The following POLR1A variants were observed in gnomAD, a reference collection of about 807,000 sequenced individuals.
The protein encoded by POLR1A is DNA-directed RNA polymerase I subunit RPA1.
A neutral mutation model predicts 205.3 loss-of-function variants in POLR1A; 84 were observed. The observed-to-expected ratio is 0.41, with a 90% CI of 0.34 to 0.49. The LOEUF is 0.49. POLR1A is among the 20% of genes least tolerant of loss of function. POLR1A has a pLI of 0.22. For synonymous variants in POLR1A, 799 were observed against 863.7 expected, an observed-to-expected ratio of 0.93 and a Z score of 1.31; for missense variants, 1,645 against 2,204.5, an observed-to-expected ratio of 0.75 and a Z score of 5.08.
At chr2:86,031,676 C>A in intron 29 of POLR1A, 41 bp from the exon 30 acceptor site, 2 of 1,575,444 alleles carry the variant, frequency 1.3e-6, no homozygotes, top group Non-Finnish European at 1.7e-6. Context: ...CTTGGGGACC[C>A]ACCATCTACC....
intron 14 of POLR1A, among the ~76,000 whole-genome samples, chr2:86,054,588 C>G (rs1323772347): frequency 2.6e-5 from 4 of 152,154 alleles, no homozygotes; most frequent in Non-Finnish European, 5.9e-5. Context: ...GAATTAAATT[C>G]CTAAATAGAC....
chr2:86,028,036 G>A lies in POLR1A; in HGVS notation c.4911C>T (p.Asp1637=). The A allele has an allele frequency of 6.2e-7, 1 of 1,614,200 alleles. No homozygotes were observed. The highest frequency in any genetic ancestry group is 1.6e-4 in the Middle Eastern group (1 of 6,062). ...DVFAVYGIAV[D]PRHLSLVADY... Reference sequence around the variant, plus strand: ...CAGCAACCAGGGAGAGATGGCGAGGGTCGACCGCGATGCCTGTCAAACGGG... The same window carrying A: ...CAGCAACCAGGGAGAGATGGCGAGGATCGACCGCGATGCCTGTCAAACGGG... Residue 1637 remains aspartate, a synonymous_variant, in exon 33 of 34, where the codon GAC becomes GAT. Coordinates refer to ENST00000263857, the MANE Select transcript of POLR1A (RefSeq NM_015425.6). This position sits in a 1 kb window ranked among gnomAD's most constrained non-coding sequence, Gnocchi z 4.5.
At position 86,025,175 on chromosome 2, in the gene POLR1A, A is replaced by AC. The variant is rs753397516; in HGVS notation, c.*2247dup. 6.6e-6 allele frequency: 1 copy of AC among 152,154 alleles called. No homozygotes were observed. The highest frequency in any genetic ancestry group is 1.5e-5 in the Non-Finnish European group (1 of 68,014). 9.4% of individuals were successfully genotyped at this position (152,154 alleles called of 1,614,324 possible). A position where few individuals can be genotyped will look rare whatever the true frequency, so the allele number is the denominator to read the frequency against. On this transcript the variant is annotated 3_prime_UTR_variant, in exon 34 of 34. Coordinates refer to ENST00000263857, the MANE Select transcript of POLR1A (RefSeq NM_015425.6). ...CACAGCTCTCATGAAAAGTTTGTGAACCCCACCAGATGATCAATCTCCATT... is the reference window on the plus strand; with the variant it reads ...CACAGCTCTCATGAAAAGTTTGTGAACCCCCACCAGATGATCAATCTCCATT...
intron 7 of POLR1A, 30 bp from the exon 8 acceptor site, chr2:86,081,736 C>T (rs1673405849): frequency 7.4e-7 from 1 of 1,349,302 alleles, no homozygotes; most frequent in Admixed American, 1.9e-5. Flanking sequence ...ACCAAGAAGA[C>T]CATTTAAATC....
At chr2:86,054,844 A>G (rs2278088) in intron 14 of POLR1A, among the ~76,000 whole-genome samples, 6,450 of 152,258 alleles carry the variant, frequency 0.042, 254 homozygotes, top group East Asian at 0.23. Context: ...GGAGATAACC[A>G]GAGTTGGCTA....
chr2:86,048,320 T>C (rs1028755594), intron 18 of POLR1A, among the ~76,000 whole-genome samples: 3 of 152,166 alleles, frequency 2.0e-5, no homozygotes, highest in African/African-American at 7.2e-5. Flanking sequence ...AGATTTCCCC[T>C]CTCCTTTCTC....
At position 86,041,364 on chromosome 2, in the gene POLR1A, T is replaced by TGC. The variant is rs200808965; in HGVS notation, c.3572+523_3572+524dup. On this transcript the variant is annotated intron_variant, in intron 24 of 33. Coordinates refer to ENST00000263857, the MANE Select transcript of POLR1A (RefSeq NM_015425.6). ...CAAAGCTCAAAGGTGTGTGTGTGTG[T>TGC]GCGCGCGCGCGCTGAGCTACAGTGT... Among the ~76,000 whole-genome samples the TGC allele has an allele frequency of 8.9e-3, 1,302 of 145,942 alleles. 36 individuals carry two copies. The highest frequency in any genetic ancestry group is 0.022 in the African/African-American group (840 of 38,502).
chr2:86,035,562 GGCGCCCCAGCC>G, intron 27 of POLR1A, among the ~76,000 whole-genome samples: 1 of 152,192 alleles, frequency 6.6e-6, no homozygotes, highest in East Asian at 1.9e-4. Context: ...CCCTCAGCTG[GGCGCCCCAGCC>G]TGTCTCAACT....
In POLR1A at chr2:86,040,574, G is replaced by T. The variant is rs200112807; in HGVS notation, c.3573-15C>A. On this transcript the variant is annotated splice_polypyrimidine_tract_variant and intron_variant, in intron 24 of 33. Coordinates refer to ENST00000263857, the MANE Select transcript of POLR1A (RefSeq NM_015425.6). ...AGGTCCTCAACCTAGAGACGGTGGTGGGGGGTCAGGGTGGGGGTTGTGGCA... is the reference window on the plus strand; with the variant it reads ...AGGTCCTCAACCTAGAGACGGTGGTTGGGGGTCAGGGTGGGGGTTGTGGCA... 6 of 1,528,280 alleles carry T rather than the reference G, an allele frequency of 3.9e-6. No homozygotes were observed. The Admixed American group carries it at 9.6e-5, about 24-fold the overall frequency. The allele number at this position is 1,528,280 out of a possible 1,614,324, so 94.7% of individuals were successfully genotyped here.
chr2:86,077,671 C>T (rs1673313016), intron 11 of POLR1A, among the ~76,000 whole-genome samples, 188 bp downstream of exon 11: 2 of 152,174 alleles, frequency 1.3e-5, no homozygotes, highest in African/African-American at 4.8e-5. Flanking sequence ...CTTCCAGTCA[C>T]CTCCTTGTGG....
intron 33 of POLR1A, 64 bp downstream of exon 33, chr2:86,027,821 G>T: frequency 6.4e-7 from 1 of 1,555,086 alleles, no homozygotes; most frequent in Non-Finnish European, 8.9e-7. Flanking sequence ...GATGCCCATG[G>T]GTGAGCCCGT....
chr2:86,071,764 C>T (rs1053409562), intron 12 of POLR1A, among the ~76,000 whole-genome samples: 1 of 152,196 alleles, frequency 6.6e-6, no homozygotes, highest in African/African-American at 2.4e-5. Context: ...ACTTACCACC[C>T]TTATCTTTAA....
intron 25 of POLR1A, 131 bp from the exon 26 acceptor site, chr2:86,039,593 G>A: frequency 9.2e-7 from 1 of 1,085,140 alleles, no homozygotes; most frequent in Non-Finnish European, 1.4e-6. Context: ...GGGATAATAT[G>A]CTAGATCAGA....
At position 86,074,900 on chromosome 2, in the gene POLR1A, G is replaced by A. The variant is rs1357879013; in HGVS notation, c.1611+130C>T. ...AAGGTGAATCTAAAAAGCCACCCAC[G>A]TGTCGGGGAGCTTCCTCCTAGGGAT... On this transcript the variant is annotated intron_variant, in intron 12 of 33. Coordinates refer to ENST00000263857, the MANE Select transcript of POLR1A (RefSeq NM_015425.6). The A allele has an allele frequency of 3.6e-5, 23 of 647,394 alleles. No homozygotes were observed. The South Asian group carries it at 3.7e-4, about 10-fold the overall frequency. The allele number at this position is 647,394 out of a possible 1,614,324, so 40.1% of individuals were successfully genotyped here.
Position 86,030,228 on chromosome 2 carries a change from T to C in POLR1A, c.4747A>G (p.Ile1583Val). Residue 1583 changes from isoleucine (I) to valine (V), a missense_variant, in exon 31 of 34, where the codon ATC becomes GTC. Physicochemically the swap from Ile to Val is conservative, Grantham distance 29. Coordinates refer to ENST00000263857, the MANE Select transcript of POLR1A (RefSeq NM_015425.6). ...EKELVLNTEGINLPELFKYAE... is the reference protein window; with the variant it reads ...EKELVLNTEGVNLPELFKYAE... ...TACTTGAATAGCTCTGGGAGGTTGATTCCTTCTGTGTTTAGCACAAGCTCC... is the reference window on the plus strand; with the variant it reads ...TACTTGAATAGCTCTGGGAGGTTGACTCCTTCTGTGTTTAGCACAAGCTCC... 6.2e-7 allele frequency: 1 copy of C among 1,614,252 alleles called. No homozygotes were observed. The highest frequency in any genetic ancestry group is 8.5e-7 in the Non-Finnish European group (1 of 1,180,032).
intron 16 of POLR1A, among the ~76,000 whole-genome samples, chr2:86,050,423 G>A (rs1396874281): frequency 6.6e-6 from 1 of 152,222 alleles, no homozygotes; most frequent in Non-Finnish European, 1.5e-5. Context: ...AGGCCACACC[G>A]TGAAAGTGGG....
At chr2:86,051,305 C>T (rs1672798664) in intron 16 of POLR1A, among the ~76,000 whole-genome samples, 1 of 151,096 alleles carries the variant, frequency 6.6e-6, no homozygotes, top group Non-Finnish European at 1.5e-5. Flanking sequence ...CATCAAATTA[C>T]TATTAGTGGT....
intron 1 of POLR1A, among the ~76,000 whole-genome samples, chr2:86,102,644 C>T (rs1391283115): frequency 6.6e-6 from 1 of 152,162 alleles, no homozygotes. Flanking sequence ...GGCATCACAG[C>T]AGCTCTATTG....
intron 27 of POLR1A, among the ~76,000 whole-genome samples, chr2:86,035,190 T>C (rs527513193): frequency 6.6e-6 from 1 of 152,312 alleles, no homozygotes; most frequent in Admixed American, 6.5e-5. Context: ...ATTTTTTAAC[T>C]TTTTAAAGGT....
Sources: gnomAD v4.1 joint callset for allele counts (sites outside exome capture counted in the v4.1 genomes callset) on GRCh38, gnomAD v4.1.1 for gene constraint, Gnocchi (gnomAD v3.1) non-coding constraint, MANE v1.5 for transcripts, NCBI Gene and HGNC (gene_info 2026-07-23, HGNC 2026-07-21) for gene names.